Variants in CHD2 observed in about 807,000 individuals in gnomAD.
The protein encoded by CHD2 is chromodomain helicase DNA binding protein 2.
A neutral mutation model predicts 243.9 loss-of-function variants in CHD2; 28 were observed. The ratio of observed to expected loss-of-function variants is 0.11; its 90% CI spans 0.09 to 0.16. The LOEUF (loss-of-function observed/expected upper bound fraction) is 0.16. CHD2 is among the 10% of genes least tolerant of loss of function. CHD2 has a pLI of 1.00. For missense variants in CHD2, 1,386 were observed against 2,209.8 expected (o/e 0.63, Z 7.47); for synonymous variants, 775 against 779.0 (o/e 0.99, Z 0.09).
chr15:92,913,087 A>G (rs2052771159), intron 2 of CHD2, among the ~76,000 whole-genome samples: 1 of 152,218 alleles, frequency 6.6e-6, no homozygotes, highest in Non-Finnish European at 1.5e-5. Flanking sequence ...TGTTCAACAT[A>G]TTCCCAGGCT....
intron 16 of CHD2, 42 bp from the exon 17 acceptor site, chr15:92,967,283 T>G: frequency 7.2e-7 from 1 of 1,388,682 alleles, no homozygotes. Flanking sequence ...ATTCTTCTTT[T>G]CCTCAATGTG....
chr15:92,941,812 C>T lies in CHD2; in HGVS notation c.693-10C>T, dbSNP rs374771910. ...CATTTCTCATTTATTCAGCATTATT[C>T]CTCTTGCAGTTACAAAGAAGATGAT... On this transcript the variant is annotated splice_polypyrimidine_tract_variant and intron_variant, in intron 7 of 38. Coordinates refer to ENST00000394196, the MANE Select transcript of CHD2 (RefSeq NM_001271.4). The T allele has an allele frequency of 1.2e-6, 2 of 1,612,058 alleles. No individual in the cohort carries two copies.
chr15:92,929,112 A>G (rs981311841), intron 5 of CHD2, 21 bp downstream of exon 5: 13 of 1,589,866 alleles, frequency 8.2e-6, no homozygotes, highest in Non-Finnish European at 9.4e-6. Context: ...CATGGGGGAA[A>G]TTATTCAATC....
chr15:92,996,968 G>C lies in CHD2; in HGVS notation c.3607G>C (p.Gly1203Arg). 6.2e-7 allele frequency: 1 copy of C among 1,603,772 alleles called. No homozygotes were observed. The change falls in exon 29 of 39, where the codon GGG (glycine) becomes CGG (arginine). Residue 1203 changes from glycine (G) to arginine (R), a missense_variant. Transcript: ENST00000394196. ...CTGGTATTTTTCAGGAAAAGGACCA[G>C]GGAAAAGGAGAGGTCCAACAATCAA... is the stretch of plus-strand genomic sequence containing the variant. The part of the protein sequence containing the change: ...KENASEGKGP[G>R]KRRGPTIKIS...
chr15:92,924,359 G>A lies in CHD2; in HGVS notation c.101G>A (p.Gly34Asp), dbSNP rs751460719. ...GAAGAAGCTTCGGGTTCAGACTCAG[G>A]CAGTCAGTCGGAAAGTGAGCAGGGA... is the stretch of plus-strand genomic sequence containing the variant. Reference protein sequence around the residue: ...ASEEASGSDSGSQSESEQGSD... With the variant: ...ASEEASGSDSDSQSESEQGSD... The change falls in exon 3 of 39, where the codon GGC becomes GAC. Residue 34 changes from glycine (G) to aspartate (D), a missense_variant. This residue lies in a region of CHD2 where 89 missense variants were observed against 102.4 expected (regional missense o/e 0.87). Transcript: ENST00000394196. 1 of 1,613,910 alleles carries A rather than the reference G, an allele frequency of 6.2e-7. No individual in the cohort carries two copies. Among genetic ancestry groups the A allele is most frequent in the Non-Finnish European group, 8.5e-7 (1 of 1,179,970 alleles).
Position 92,927,314 on chromosome 15 carries a change from T to TTAA in CHD2, c.368_370dup (p.Asn123dup). 6.2e-7 allele frequency: 1 copy of TTAA among 1,613,484 alleles called. No individual in the cohort carries two copies. Among genetic ancestry groups the TTAA allele is most frequent in the Non-Finnish European group, 8.5e-7 (1 of 1,179,462 alleles). ...CGAAGCAGACAAGAACCATCGCGAT[T>TTAA]TAATATTAAGGAAGAGGTAAGGAAA... On this transcript the variant is annotated inframe_insertion, in exon 4 of 39. Coordinates refer to ENST00000394196, the MANE Select transcript of CHD2 (RefSeq NM_001271.4).
In CHD2 at chr15:92,908,396, T is replaced by A. The variant is rs1898915; in HGVS notation, c.62+7097T>A. 8.0e-3 allele frequency among the ~76,000 whole-genome samples: 1,214 copies of A among 152,296 alleles called. 54 individuals carry two copies. The highest frequency in any genetic ancestry group is 0.068 in the Admixed American group (1,040 of 15,300). On this transcript the variant is annotated intron_variant, in intron 2 of 38. Transcript: ENST00000394196. ...GCTTAAACTATAGTCTTAAGATTTG[T>A]GTGTTTTGGGTTTCCTCTACTTCCT...
At chr15:92,923,377 G>A (rs1336854809) in intron 2 of CHD2, among the ~76,000 whole-genome samples, 1 of 151,430 alleles carries the variant, frequency 6.6e-6, no homozygotes, top group Admixed American at 6.6e-5. Context: ...CCTCCCACCT[G>A]AGTTTCCCGA....
Position 92,953,378 on chromosome 15 carries a change from T to C in CHD2, c.1524T>C (p.Ala508=), listed in dbSNP as rs748660499. 7 of 1,614,050 alleles carry C rather than the reference T, an allele frequency of 4.3e-6. No individual in the cohort carries two copies. In the East Asian group the frequency reaches 1.3e-4, roughly 31 times the overall value. Residue 508 remains alanine, a synonymous_variant, in exon 14 of 39, where the codon GCT becomes GCC. Coordinates refer to ENST00000394196, the MANE Select transcript of CHD2 (RefSeq NM_001271.4). ...GCAGAAATAATAGTGTAATCCTTGC[T>C]GATGAAATGGGCCTAGGAAAGACCA... The part of the protein sequence containing the change: ...SWCKNNSVIL[A]DEMGLGKTIQ...
chr15:93,024,345 C>T (rs373895666), intron 38 of CHD2, 27 bp from the exon 39 acceptor site: 44 of 1,590,310 alleles, frequency 2.8e-5, no homozygotes, highest in African/African-American at 6.7e-5. Flanking sequence ...TTCAGTCTTT[C>T]GACTAATCCT....
chr15:92,944,364 G>T (rs779675664), intron 9 of CHD2, 51 bp from the exon 10 acceptor site: 1 of 1,047,724 alleles, frequency 9.5e-7, no homozygotes, highest in Admixed American at 1.8e-5. Context: ...GATGTATGTG[G>T]ATCCCCAGAC....
chr15:93,020,042 T>C lies in CHD2; in HGVS notation c.4937T>C (p.Phe1646Ser). The change falls in exon 38 of 39, where the codon TTC becomes TCC. Residue 1646 changes from phenylalanine to serine, a missense_variant. Physicochemically the swap from Phe to Ser is radical, Grantham distance 155. Around this residue, in one of 19 missense-constraint regions of CHD2, gnomAD observed 347 missense variants for 341.6 expected, o/e 1.02. Coordinates refer to ENST00000394196, the MANE Select transcript of CHD2 (RefSeq NM_001271.4). ...GGAGACTGGCAGAGGGAAAGAAAGTTCAACTATGGTGGTGGCAACAACAAT... is the reference window on the plus strand; with the variant it reads ...GGAGACTGGCAGAGGGAAAGAAAGTCCAACTATGGTGGTGGCAACAACAAT... The part of the protein sequence containing the change: ...DRGDWQRERK[F>S]NYGGGNNNPP... The C allele has an allele frequency of 2.5e-6, 4 of 1,613,700 alleles. No individual in the cohort carries two copies. The highest frequency in any genetic ancestry group is 3.4e-6 in the Non-Finnish European group (4 of 1,179,638).
intron 36 of CHD2, among the ~76,000 whole-genome samples, chr15:93,014,042 A>G (rs558973588): frequency 2.6e-5 from 4 of 152,074 alleles, no homozygotes; most frequent in Non-Finnish European, 5.9e-5. Context: ...TTGTAGAAAT[A>G]AGTATTTACA....
At chr15:92,915,574 T>C (rs1239029767) in intron 2 of CHD2, among the ~76,000 whole-genome samples, 1 of 152,332 alleles carries the variant, frequency 6.6e-6, no homozygotes, top group Non-Finnish European at 1.5e-5. Flanking sequence ...CCCGGCCTAA[T>C]AAAGTTTTAA....
intron 7 of CHD2, among the ~76,000 whole-genome samples, chr15:92,941,470 T>C (rs1323886182): frequency 1.3e-5 from 2 of 152,150 alleles, no homozygotes; most frequent in African/African-American, 2.4e-5. Flanking sequence ...TCTTCCATTA[T>C]GGTTTTTCTT....
In CHD2 at chr15:92,909,852, A is replaced by G. The variant is rs185805561; in HGVS notation, c.62+8553A>G. Among the ~76,000 whole-genome samples the G allele has an allele frequency of 2.6e-5, 4 of 152,282 alleles. No individual in the cohort carries two copies. In the East Asian group the frequency reaches 5.8e-4, roughly 22 times the overall value. On this transcript the variant is annotated intron_variant, in intron 2 of 38. Transcript: ENST00000394196. Reference sequence around the variant, plus strand: ...ATTTTATCAGGAAGGAATATTGTACATGGTGAACATTTTGTAGAAAAATAC... The same window carrying G: ...ATTTTATCAGGAAGGAATATTGTACGTGGTGAACATTTTGTAGAAAAATAC...
rs1567157795 is a variant in CHD2, at chr15:92,997,499, A to G, written c.3885+96A>G. 2 of 1,050,488 alleles carry G rather than the reference A, an allele frequency of 1.9e-6. No homozygotes were observed. Among genetic ancestry groups the G allele is most frequent in the East Asian group, 5.5e-5 (2 of 36,292 alleles). The allele number at this position is 1,050,488 out of a possible 1,614,324, so 65.1% of individuals were successfully genotyped here. On this transcript the variant is annotated intron_variant, in intron 30 of 38. Coordinates refer to ENST00000394196, the MANE Select transcript of CHD2 (RefSeq NM_001271.4). This position sits in a 1 kb window ranked among gnomAD's most constrained non-coding sequence, Gnocchi z 4.1. ...TTCTAACTATTTTCGAGGGGGCATC[A>G]AATTAGAAATTAGTATAGTCATTCT...
intron 32 of CHD2, among the ~76,000 whole-genome samples, chr15:93,001,569 T>G (rs2054256719): frequency 6.6e-6 from 1 of 152,160 alleles, no homozygotes; most frequent in South Asian, 2.1e-4. Context: ...CAGGGTAGAG[T>G]GCAGTGGCGC....
At chr15:92,988,037 C>T (rs2054067042) in intron 26 of CHD2, among the ~76,000 whole-genome samples, 2 of 151,944 alleles carry the variant, frequency 1.3e-5, no homozygotes, top group Non-Finnish European at 2.9e-5. Context: ...ATTTTAAACC[C>T]ATCAATGCAG....
Sources: gnomAD v4.1 joint callset for allele counts (sites outside exome capture counted in the v4.1 genomes callset) on GRCh38, gnomAD v4.1.1 for gene constraint, gnomAD v4.1.1 regional missense constraint, Gnocchi (gnomAD v3.1) non-coding constraint, MANE v1.5 for transcripts, NCBI Gene and HGNC (gene_info 2026-07-23, HGNC 2026-07-21) for gene names.